Variants in ANKS1B observed in about 807,000 individuals in gnomAD.
ANKS1B encodes the protein ankyrin repeat and sterile alpha motif domain-containing protein 1B.
ANKS1B carries 36 observed loss-of-function variants against 148.3 expected under a neutral mutation model. That is an observed-to-expected ratio of 0.24 (90% confidence interval 0.19 to 0.32). ANKS1B has a LOEUF of 0.32. Ranked by LOEUF, ANKS1B falls within the 10% of genes least tolerant of loss-of-function variation. The pLI, the probability that ANKS1B is intolerant of heterozygous loss-of-function variation, is 1.00. For synonymous variants in ANKS1B, 542 were observed against 560.8 expected, an observed-to-expected ratio of 0.97 and a Z score of 0.47; for missense variants, 1,157 against 1,542.6, an observed-to-expected ratio of 0.75 and a Z score of 4.19.
chr12:99,137,090 C>G (rs10860397), intron 15 of ANKS1B, among the ~76,000 whole-genome samples: 38,717 of 152,056 alleles, frequency 0.25, 6,286 homozygotes, highest in African/African-American at 0.45. Flanking sequence ...CTTGGTTGTG[C>G]GGTAACAGGA....
rs572472145 is a variant in ANKS1B at position 99,316,250 on chromosome 12, T to A, written c.1757-69386A>T. On this transcript the variant is annotated intron_variant, in intron 12 of 26. Transcript: ENST00000683438. ...AGATCCTTGAGGAATTGCCACACTGTTTTCCACAATGGGTGAACTAGTTTA... is the reference window on the plus strand; with the variant it reads ...AGATCCTTGAGGAATTGCCACACTGATTTCCACAATGGGTGAACTAGTTTA... Among the ~76,000 whole-genome samples the A allele has an allele frequency of 5.1e-4, 77 of 152,246 alleles. No individual in the cohort carries two copies. The East Asian group carries it at 0.011, about 22-fold the overall frequency.
intron 15 of ANKS1B, among the ~76,000 whole-genome samples, chr12:99,108,066 GA>G (rs1167538557): frequency 3.9e-5 from 6 of 152,198 alleles, no homozygotes; most frequent in African/African-American, 1.4e-4. Context: ...TAAGAGATGT[GA>G]GGCTCAAATG....
At chr12:99,855,764 CA>C (rs1271238171) in intron 1 of ANKS1B, among the ~76,000 whole-genome samples, 1 of 152,026 alleles carries the variant, frequency 6.6e-6, no homozygotes, top group Non-Finnish European at 1.5e-5. Flanking sequence ...AAGGAACCCT[CA>C]AAACCATGGA....
intron 15 of ANKS1B, among the ~76,000 whole-genome samples, chr12:99,135,585 G>C (rs943734183): frequency 6.6e-6 from 1 of 152,142 alleles, no homozygotes; most frequent in Non-Finnish European, 1.5e-5. Context: ...TAAGACAAGA[G>C]AGCATTGTCT....
intron 8 of ANKS1B, among the ~76,000 whole-genome samples, chr12:99,663,519 C>A (rs999144164): frequency 2.6e-5 from 4 of 152,132 alleles, no homozygotes; most frequent in African/African-American, 9.7e-5. Flanking sequence ...TTTAAGTCTG[C>A]TGAAAAATAA....
intron 12 of ANKS1B, among the ~76,000 whole-genome samples, chr12:99,351,234 T>C (rs963432492): frequency 1.3e-5 from 2 of 152,036 alleles, no homozygotes; most frequent in Non-Finnish European, 2.9e-5. Flanking sequence ...CACAAGACTT[T>C]GAAATGAGTC....
chr12:99,120,110 G>A lies in ANKS1B; in HGVS notation c.2526+34179C>T, dbSNP rs970597811. Among the ~76,000 whole-genome samples, 12 of 152,294 alleles carry A rather than the reference G, an allele frequency of 7.9e-5. No individual in the cohort carries two copies. The South Asian group carries it at 8.3e-4, about 11-fold the overall frequency. On this transcript the variant is annotated intron_variant, in intron 15 of 26. Coordinates refer to ENST00000683438, the MANE Select transcript of ANKS1B (RefSeq NM_001352186.2). ...ACCCTGGACGGGACACCCTCCCATC[G>A]CAGGGCATACTCACACCCACATTCG...
chr12:99,144,312 G>A (rs2072166468), intron 15 of ANKS1B, among the ~76,000 whole-genome samples: 1 of 151,260 alleles, frequency 6.6e-6, no homozygotes, highest in South Asian at 2.1e-4. Context: ...CTAGAAAGGT[G>A]ACAAGTTCCT....
intron 9 of ANKS1B, among the ~76,000 whole-genome samples, chr12:99,598,958 A>G (rs1331040017): frequency 6.6e-6 from 1 of 151,990 alleles, no homozygotes; most frequent in Non-Finnish European, 1.5e-5. Flanking sequence ...CTCTAGGGGA[A>G]ATTTCATTCC....
At chr12:99,412,176 G>C (rs1015849637) in intron 11 of ANKS1B, among the ~76,000 whole-genome samples, 6 of 151,572 alleles carry the variant, frequency 4.0e-5, no homozygotes, top group Non-Finnish European at 8.8e-5. Context: ...GTCTTTTTCT[G>C]GCATTAAGTC....
chr12:99,448,696 T>C (rs2095677080), intron 10 of ANKS1B, among the ~76,000 whole-genome samples: 1 of 152,246 alleles, frequency 6.6e-6, no homozygotes, highest in East Asian at 1.9e-4. Context: ...ATAATTTTTG[T>C]CTATTTAAAA....
At chr12:99,200,315 C>G (rs1247358207) in intron 14 of ANKS1B, among the ~76,000 whole-genome samples, 1 of 152,116 alleles carries the variant, frequency 6.6e-6, no homozygotes, top group Non-Finnish European at 1.5e-5. Flanking sequence ...AAATACCTAG[C>G]CTAAGGTTTA....
At chr12:98,901,225 A>G (rs1377906745) in intron 17 of ANKS1B, among the ~76,000 whole-genome samples, 1 of 152,224 alleles carries the variant, frequency 6.6e-6, no homozygotes, top group Non-Finnish European at 1.5e-5. Context: ...ATATGCAGGA[A>G]GCAGAAAATA....
At chr12:99,308,810 T>G (rs988403152) in intron 12 of ANKS1B, among the ~76,000 whole-genome samples, 3 of 151,428 alleles carry the variant, frequency 2.0e-5, no homozygotes, top group Non-Finnish European at 4.4e-5. Flanking sequence ...TTTCCACAAA[T>G]GTCTTTCACA....
intron 14 of ANKS1B, among the ~76,000 whole-genome samples, chr12:99,189,005 G>T (rs557246183): frequency 6.6e-6 from 1 of 152,096 alleles, no homozygotes; most frequent in African/African-American, 2.4e-5. Flanking sequence ...AATGATAAAG[G>T]AGATATCACC....
intron 16 of ANKS1B, among the ~76,000 whole-genome samples, chr12:99,060,182 T>C (rs553676498): frequency 2.9e-5 from 4 of 138,576 alleles, no homozygotes; most frequent in Admixed American, 2.4e-4. Flanking sequence ...CTTGGGAAAA[T>C]TGAGATATAT....
chr12:99,464,844 T>C (rs900637398), intron 10 of ANKS1B, among the ~76,000 whole-genome samples: 10 of 152,232 alleles, frequency 6.6e-5, no homozygotes, highest in African/African-American at 2.4e-4. Flanking sequence ...ACGGGGAGAA[T>C]GGAACCAAGT....
At chr12:98,737,212 C>T (rs1253894025) in intron 9 of ANKS1B, among the ~76,000 whole-genome samples, 2 of 152,196 alleles carry the variant, frequency 1.3e-5, no homozygotes, top group African/African-American at 4.8e-5. Flanking sequence ...CCAGAGCACT[C>T]ATCTGAATCA....
chr12:98,976,661 A>G lies in ANKS1B; in HGVS notation c.2778+76496T>C, dbSNP rs556638609. 7 of 152,332 alleles carry G rather than the reference A, an allele frequency of 4.6e-5. No individual in the cohort carries two copies. In the South Asian group the frequency reaches 1.4e-3, roughly 32 times the overall value. The allele number at this position is 152,332 out of a possible 1,614,324, so 9.4% of individuals were successfully genotyped here. A position where few individuals can be genotyped will look rare whatever the true frequency, so the allele number is the denominator to read the frequency against. On this transcript the variant is annotated intron_variant, in intron 17 of 26. Coordinates refer to ENST00000683438, the MANE Select transcript of ANKS1B (RefSeq NM_001352186.2). ...AAGAGCCCAGCAGATGCATTTCCAG[A>G]TAAACAATGTAAAACATAGTCTATG...
Sources: allele counts gnomAD v4.1 joint callset (sites outside exome capture counted in the v4.1 genomes callset), GRCh38; gene constraint gnomAD v4.1.1; transcripts MANE v1.5; gene names NCBI Gene and HGNC (gene_info 2026-07-23, HGNC 2026-07-21).